The following ENPP2 variants were observed in gnomAD, a reference collection of about 807,000 sequenced individuals.
ENPP2 encodes ectonucleotide pyrophosphatase/phosphodiesterase 2.
In ENPP2, 51 loss-of-function variants were observed where a neutral mutation model predicts 120.2. The observed-to-expected ratio is 0.42, with a 90% CI of 0.34 to 0.54. The LOEUF (loss-of-function observed/expected upper bound fraction) is 0.54. Among genes scored for constraint, ENPP2 ranks in the 20% least tolerant of loss-of-function variants. The pLI, the probability that ENPP2 is intolerant of heterozygous loss-of-function variation, is 0.04. For synonymous variants in ENPP2, 365 were observed against 366.4 expected (o/e 1.00, Z 0.04); for missense variants, 920 against 1,066.5 (o/e 0.86, Z 1.91).
At chr8:119,560,214 T>A (rs1459310518) in intron 24 of ENPP2, among the ~76,000 whole-genome samples, 1 of 152,202 alleles carries the variant, frequency 6.6e-6, no homozygotes, top group Non-Finnish European at 1.5e-5. Context: ...TAGAACTGTA[T>A]GGCAATTTTT....
chr8:119,568,324 G>T, intron 21 of ENPP2, 72 bp from the exon 22 acceptor site: 2 of 829,586 alleles, frequency 2.4e-6, no homozygotes, highest in Admixed American at 2.2e-5. Flanking sequence ...AAAGGGAGAG[G>T]GGGGTAGAAT....
chr8:119,593,709 A>G, intron 12 of ENPP2, 43 bp downstream of exon 12: 1 of 1,173,252 alleles, frequency 8.5e-7, no homozygotes, highest in African/African-American at 1.5e-5. Context: ...GATCAGAAAC[A>G]TTATCCATCT....
At chr8:119,663,119 C>CAAA (rs34922221) in intron 1 of ENPP2, among the ~76,000 whole-genome samples, 85 of 120,378 alleles carry the variant, frequency 7.1e-4, no homozygotes, top group East Asian at 3.2e-3. Context: ...ACTCTTGTCT[C>CAAA]AAAAAAAAAA....
rs145165248 is a variant in ENPP2 at position 119,612,446 on chromosome 8, ATTC to A, written c.777+3816_777+3818del. On this transcript the variant is annotated intron_variant, in intron 8 of 24. Coordinates refer to ENST00000075322, the MANE Select transcript of ENPP2 (RefSeq NM_001040092.3). ...TGGAAAGTCACCCCTATTCTGTGTCATTCTTCTTCTCCTGCTGTCTCTGTCTTA... is the reference window on the plus strand; with the variant it reads ...TGGAAAGTCACCCCTATTCTGTGTCATTCTTCTCCTGCTGTCTCTGTCTTA... 3.8e-4 allele frequency among the ~76,000 whole-genome samples: 58 copies of A among 152,310 alleles called. No homozygotes were observed. In the East Asian group the frequency reaches 7.5e-3, roughly 20 times the overall value.
chr8:119,631,232 T>TGG (rs1816652869), intron 2 of ENPP2, among the ~76,000 whole-genome samples: 1 of 108,090 alleles, frequency 9.3e-6, no homozygotes, highest in Non-Finnish European at 1.8e-5. Flanking sequence ...TTTTTTTTTT[T>TGG]TTGAGACGGA....
At position 119,557,377 on chromosome 8, in the gene ENPP2, G is replaced by T; in HGVS notation, c.*144C>A. 2 of 622,262 alleles carry T rather than the reference G, an allele frequency of 3.2e-6. No individual in the cohort carries two copies. Among genetic ancestry groups the T allele is most frequent in the Non-Finnish European group, 2.7e-6 (1 of 374,752 alleles). The allele number at this position is 622,262 out of a possible 1,614,324, so 38.5% of individuals were successfully genotyped here. ...AATCAAGCATTAGAGAAAAACAGTG[G>T]AGTCATTCAGGCATAATATGTCAGA... On this transcript the variant is annotated 3_prime_UTR_variant, in exon 25 of 25. Coordinates refer to ENST00000075322, the MANE Select transcript of ENPP2 (RefSeq NM_001040092.3).
At chr8:119,648,909 A>G (rs1817548385) in intron 1 of ENPP2, among the ~76,000 whole-genome samples, 2 of 152,246 alleles carry the variant, frequency 1.3e-5, no homozygotes, top group Non-Finnish European at 2.9e-5. Flanking sequence ...AATGAATGCC[A>G]TCCAAATTGG....
chr8:119,593,932 ACC>A, intron 11 of ENPP2, 72 bp from the exon 12 acceptor site: 1 of 860,576 alleles, frequency 1.2e-6, no homozygotes, highest in East Asian at 2.4e-5. Flanking sequence ...TAGATCTTCT[ACC>A]CCTAGAACAT....
chr8:119,636,281 T>C (rs1262331286), intron 2 of ENPP2, among the ~76,000 whole-genome samples: 1 of 152,206 alleles, frequency 6.6e-6, no homozygotes, highest in African/African-American at 2.4e-5. Context: ...CGCATAAAGA[T>C]ATTTCCACTG....
At chr8:119,614,789 G>A (rs1414369290) in intron 8 of ENPP2, among the ~76,000 whole-genome samples, 2 of 152,092 alleles carry the variant, frequency 1.3e-5, no homozygotes, top group Non-Finnish European at 2.9e-5. Context: ...CAATCATTTT[G>A]TGTACTCATA....
At chr8:119,629,892 TTAGA>T (rs1442012800) in intron 2 of ENPP2, among the ~76,000 whole-genome samples, 1 of 152,292 alleles carries the variant, frequency 6.6e-6, no homozygotes, top group East Asian at 1.9e-4. Context: ...AGGATACTGC[TTAGA>T]TAGACTCATT....
At chr8:119,577,493 C>T (rs1222002418) in intron 19 of ENPP2, among the ~76,000 whole-genome samples, 1 of 151,986 alleles carries the variant, frequency 6.6e-6, no homozygotes, top group East Asian at 1.9e-4. Flanking sequence ...AAGATAGAGC[C>T]CAAAAGGAAA....
At chr8:119,561,364 A>C (rs1291789509) in intron 24 of ENPP2, among the ~76,000 whole-genome samples, 1 of 152,200 alleles carries the variant, frequency 6.6e-6, no homozygotes, top group East Asian at 1.9e-4. Flanking sequence ...TCTGTCTAAC[A>C]CACTCTTGTT....
intron 18 of ENPP2, chr8:119,580,911 G>A (rs1812687656): frequency 6.6e-6 from 1 of 152,074 alleles, no homozygotes. Context: ...TTTACAACAT[G>A]CAAAACTATA....
intron 10 of ENPP2, among the ~76,000 whole-genome samples, 177 bp from the exon 11 acceptor site, chr8:119,600,927 C>A (rs1422782358): frequency 6.6e-6 from 1 of 151,938 alleles, no homozygotes; most frequent in Non-Finnish European, 1.5e-5. Flanking sequence ...GTGACCACCA[C>A]CCCATCTGTA....
At chr8:119,586,750 T>C (rs1051755482) in intron 14 of ENPP2, among the ~76,000 whole-genome samples, 18 of 152,142 alleles carry the variant, frequency 1.2e-4, no homozygotes, top group African/African-American at 4.3e-4. Flanking sequence ...GGGTGGGCAG[T>C]TCTGGTTCAG....
chr8:119,614,475 G>A (rs1172850554), intron 8 of ENPP2, among the ~76,000 whole-genome samples: 1 of 152,124 alleles, frequency 6.6e-6, no homozygotes, highest in Non-Finnish European at 1.5e-5. Context: ...GGTCAGATGC[G>A]TCAACTTTGG....
chr8:119,646,329 T>C (rs1817466623), intron 1 of ENPP2, among the ~76,000 whole-genome samples: 2 of 152,174 alleles, frequency 1.3e-5, no homozygotes, highest in South Asian at 4.1e-4. Flanking sequence ...TCTCAAAGTA[T>C]GGTCCCTGGA....
At chr8:119,574,004 G>A (rs2130166530) in intron 19 of ENPP2, among the ~76,000 whole-genome samples, 1 of 152,096 alleles carries the variant, frequency 6.6e-6, no homozygotes, top group South Asian at 2.1e-4. Flanking sequence ...ATCCAACCAA[G>A]GTCCCCAATG....
Sources: allele counts gnomAD v4.1 joint callset (sites outside exome capture counted in the v4.1 genomes callset), GRCh38; gene constraint gnomAD v4.1.1; transcripts MANE v1.5; gene names NCBI Gene and HGNC (gene_info 2026-07-23, HGNC 2026-07-21).